TMEM63B: variants seen among roughly 807,000 people sequenced by gnomAD.
TMEM63B encodes transmembrane protein 63B, also known as mechanosensitive cation channel TMEM63B.
TMEM63B carries 23 observed loss-of-function variants against 102.6 expected under a neutral mutation model. The observed-to-expected ratio is 0.22, with a 90% CI of 0.16 to 0.32. The LOEUF (loss-of-function observed/expected upper bound fraction) is 0.32, where lower values mean the gene tolerates loss of function less well. Among genes scored for constraint, TMEM63B ranks in the 10% least tolerant of loss-of-function variants. The pLI, the probability that TMEM63B is intolerant of heterozygous loss-of-function variation, is 1.00. For missense variants in TMEM63B, 628 were observed against 1,095.9 expected (o/e 0.57, Z 6.03); for synonymous variants, 444 against 437.0 (o/e 1.02, Z -0.20).
At position 44,140,320 on chromosome 6, in the gene TMEM63B, G is replaced by A; in HGVS notation, c.671G>A (p.Arg224His). 1 of 1,613,970 alleles carries A rather than the reference G, an allele frequency of 6.2e-7. No individual in the cohort carries two copies. Among genetic ancestry groups the A allele is most frequent in the Non-Finnish European group, 8.5e-7 (1 of 1,179,968 alleles). The change falls in exon 9 of 24, where the codon CGT becomes CAT. Residue 224 changes from arginine (R) to histidine (H), a missense_variant. Coordinates refer to ENST00000323267, the MANE Select transcript of TMEM63B (RefSeq NM_018426.3). Reference protein sequence around the residue: ...LYLLLTVYSMRRHTSKMRYKE... With the variant: ...LYLLLTVYSMHRHTSKMRYKE... ...CTGCTGCTCACCGTCTACAGCATGC[G>A]TAGACACACCTCCAAGATGCGCTAC...
intron 1 of TMEM63B, among the ~76,000 whole-genome samples, chr6:44,128,593 C>T (rs936064234): frequency 2.0e-5 from 3 of 152,270 alleles, no homozygotes; most frequent in Non-Finnish European, 2.9e-5. Flanking sequence ...GCCTGGGTCC[C>T]CTGGGCAGAG....
intron 1 of TMEM63B, 38 bp from the exon 2 acceptor site, chr6:44,134,523 G>A: frequency 1.3e-6 from 2 of 1,584,290 alleles, no homozygotes; most frequent in Non-Finnish European, 1.7e-6. Flanking sequence ...TGAAGGGGAT[G>A]GGGGCAAGCC....
At chr6:44,138,736 G>GCCCCCCCCCCCCCC (rs77370584) in intron 6 of TMEM63B, 28 of 288,648 alleles carry the variant, frequency 9.7e-5, no homozygotes, top group African/African-American at 5.3e-4. Context: ...CCCCCTGCCG[G>GCCCCCCCCCCCCCC]CCCCCCCGCT....
In TMEM63B at chr6:44,154,639, C is replaced by A. The variant is rs1053592262; in HGVS notation, c.2308-53C>A. 3.7e-5 allele frequency: 56 copies of A among 1,519,914 alleles called. 1 individual carries two copies. In the Middle Eastern group the frequency reaches 1.2e-3, roughly 34 times the overall value. The allele number at this position is 1,519,914 out of a possible 1,614,324, so 94.2% of individuals were successfully genotyped here. A position where few individuals can be genotyped will look rare whatever the true frequency, so the allele number is the denominator to read the frequency against. On this transcript the variant is annotated intron_variant, in intron 23 of 23. Coordinates refer to ENST00000323267, the MANE Select transcript of TMEM63B (RefSeq NM_018426.3). The stretch of plus-strand genomic sequence containing the variant: ...TGTCCTACATGCCCTGGTGTTCCCG[C>A]AATCCATGAGGGGCAGCTGTTCACC...
At chr6:44,147,226 G>C (rs963994820) in intron 11 of TMEM63B, 151 bp from the exon 12 acceptor site, 1 of 1,295,168 alleles carries the variant, frequency 7.7e-7, no homozygotes, top group Admixed American at 2.0e-5. Flanking sequence ...TCTAGGGATG[G>C]GTGGGGAGAC....
Position 44,149,982 on chromosome 6 carries a change from C to A in TMEM63B, c.1520+17C>A. ...CTGGACACGGTAAGGTGCCTCCACT[C>A]ACACCACACCTCGCTGTGGCCTGCC... On this transcript the variant is annotated intron_variant, in intron 16 of 23. Coordinates refer to ENST00000323267, the MANE Select transcript of TMEM63B (RefSeq NM_018426.3). 1 of 1,604,938 alleles carries A rather than the reference C, an allele frequency of 6.2e-7. No individual in the cohort carries two copies. The highest frequency in any genetic ancestry group is 8.5e-7 in the Non-Finnish European group (1 of 1,173,590).
chr6:44,128,846 A>C (rs1777747968), intron 1 of TMEM63B, among the ~76,000 whole-genome samples: 1 of 152,206 alleles, frequency 6.6e-6, no homozygotes, highest in Admixed American at 6.5e-5. Flanking sequence ...AGGCCTTGGC[A>C]TGCCCCAGGT....
At chr6:44,143,488 G>A (rs1169926607) in intron 10 of TMEM63B, among the ~76,000 whole-genome samples, 1 of 151,944 alleles carries the variant, frequency 6.6e-6, no homozygotes, top group Non-Finnish European at 1.5e-5. Flanking sequence ...ACCATCTTTT[G>A]TAACAATGAA....
chr6:44,136,263 G>T, intron 4 of TMEM63B, 86 bp from the exon 5 acceptor site: 3 of 1,080,254 alleles, frequency 2.8e-6, no homozygotes, highest in Non-Finnish European at 4.3e-6. Context: ...GCCTTCTGTA[G>T]CCCTGGAGCT....
intron 1 of TMEM63B, among the ~76,000 whole-genome samples, chr6:44,133,704 A>G (rs1439382310): frequency 6.6e-6 from 1 of 152,224 alleles, no homozygotes; most frequent in Non-Finnish European, 1.5e-5. Flanking sequence ...GCAGGCAACC[A>G]GGCAGCACCC....
intron 4 of TMEM63B, 23 bp downstream of exon 4, chr6:44,135,389 C>G (rs1317577756): frequency 2.5e-6 from 4 of 1,603,778 alleles, no homozygotes; most frequent in Non-Finnish European, 2.6e-6. Context: ...CCAGCCCCCT[C>G]ATTCCCACTA....
chr6:44,153,118 A>G (rs1465240452), intron 20 of TMEM63B, among the ~76,000 whole-genome samples: 2 of 152,236 alleles, frequency 1.3e-5, no homozygotes. Flanking sequence ...CTTGCCACTC[A>G]TGGAGATAGT....
Position 44,149,814 on chromosome 6 carries a change from C to T in TMEM63B, c.1414-45C>T, listed in dbSNP as rs779818953. The T allele has an allele frequency of 9.4e-5, 142 of 1,510,860 alleles. 1 individual carries two copies. In the South Asian group the frequency reaches 1.4e-3, roughly 15 times the overall value. 93.6% of individuals were successfully genotyped at this position (1,510,860 alleles called of 1,614,324 possible). On this transcript the variant is annotated intron_variant, in intron 15 of 23. Coordinates refer to ENST00000323267, the MANE Select transcript of TMEM63B (RefSeq NM_018426.3). ...AGGCACATAAGCAAAGCCACCTGGG[C>T]CCCCTAGACTGCCCTGCCTGACGCC...
chr6:44,143,003 T>C (rs1168604320), intron 10 of TMEM63B, among the ~76,000 whole-genome samples: 1 of 152,194 alleles, frequency 6.6e-6, no homozygotes, highest in African/African-American at 2.4e-5. Flanking sequence ...GGCAAGACCC[T>C]GTCTCAAAAA....
chr6:44,144,494 T>A (rs1281962501), intron 10 of TMEM63B, among the ~76,000 whole-genome samples: 1 of 152,110 alleles, frequency 6.6e-6, no homozygotes, highest in African/African-American at 2.4e-5. Context: ...TATCCCAGAT[T>A]TAAGTTTCTA....
chr6:44,135,127 C>A (rs1762656219), intron 3 of TMEM63B, 31 bp downstream of exon 3: 1 of 1,610,428 alleles, frequency 6.2e-7, no homozygotes. Flanking sequence ...CTCTAGCTCT[C>A]CACACACACA....
chr6:44,149,743 C>A, intron 15 of TMEM63B, 116 bp from the exon 16 acceptor site: 1 of 773,188 alleles, frequency 1.3e-6, no homozygotes, highest in Non-Finnish European at 2.1e-6. Flanking sequence ...GGGCTTCCAA[C>A]ATGGGAGCCC....
intron 10 of TMEM63B, among the ~76,000 whole-genome samples, chr6:44,144,247 A>AT (rs1764883099): frequency 6.6e-6 from 1 of 152,190 alleles, no homozygotes; most frequent in Non-Finnish European, 1.5e-5. Flanking sequence ...CATTGTCAGG[A>AT]TTAGGCAGGG....
chr6:44,135,413 T>C, intron 4 of TMEM63B, 47 bp downstream of exon 4: 5 of 1,576,678 alleles, frequency 3.2e-6, no homozygotes, highest in Non-Finnish European at 4.3e-6. Context: ...CAGCTTTCCC[T>C]TTTCTTCTCT....
Sources: allele counts gnomAD v4.1 joint callset (sites outside exome capture counted in the v4.1 genomes callset), GRCh38; gene constraint gnomAD v4.1.1; transcripts MANE v1.5; gene names NCBI Gene and HGNC (gene_info 2026-07-23, HGNC 2026-07-21).